The following SCLT1 variants were observed in gnomAD, a reference collection of about 807,000 sequenced individuals.
SCLT1 encodes the protein sodium channel-associated protein 1.
SCLT1 carries 78 observed loss-of-function variants against 112.8 expected under a neutral mutation model. The ratio of observed to expected loss-of-function variants is 0.69; its 90% CI spans 0.58 to 0.83. SCLT1 has a LOEUF of 0.83. Ranked by LOEUF, SCLT1 falls within the 40% of genes least tolerant of loss-of-function variation. The pLI is 0.00. For synonymous variants in SCLT1, 257 were observed against 254.7 expected, an observed-to-expected ratio of 1.01 and a Z score of -0.09; for missense variants, 747 against 770.4, an observed-to-expected ratio of 0.97 and a Z score of 0.36.
At chr4:129,025,525 GC>G in intron 5 of SCLT1, among the ~76,000 whole-genome samples, 1 of 152,046 alleles carries the variant, frequency 6.6e-6, no homozygotes, top group Non-Finnish European at 1.5e-5. Context: ...CACCAGGCCT[GC>G]CCTAAAAGAG....
chr4:128,931,176 AT>A (rs1357923817), intron 18 of SCLT1, among the ~76,000 whole-genome samples: 2 of 151,972 alleles, frequency 1.3e-5, no homozygotes, highest in Non-Finnish European at 2.9e-5. Context: ...GGGGTTGGAA[AT>A]TGTAATTTTT....
rs73847312 is a variant in SCLT1 at position 128,958,473 on chromosome 4, C to T, written c.1047+1127G>A. ...TGTAACCATAGACAGCCTCTGTGAG[C>T]GTCTGTTGACTTAAGATTTGAGTGA... is the stretch of plus-strand genomic sequence containing the variant. On this transcript the variant is annotated intron_variant, in intron 12 of 20. Coordinates refer to ENST00000281142, the MANE Select transcript of SCLT1 (RefSeq NM_144643.4). Among the ~76,000 whole-genome samples, 822 of 152,200 alleles carry T rather than the reference C, an allele frequency of 5.4e-3. 5 individuals are homozygous for T. The highest frequency in any genetic ancestry group is 0.017 in the African/African-American group (697 of 41,512).
chr4:128,877,541 C>T (rs370605297), intron 3 of SCLT1, among the ~76,000 whole-genome samples: 2 of 151,918 alleles, frequency 1.3e-5, no homozygotes, highest in Non-Finnish European at 2.9e-5. Flanking sequence ...ATTAGCCAGG[C>T]GTGGTGGCAC....
chr4:128,968,896 G>A (rs1473370623), intron 10 of SCLT1, among the ~76,000 whole-genome samples: 1 of 152,124 alleles, frequency 6.6e-6, no homozygotes, highest in Admixed American at 6.5e-5. Flanking sequence ...CAGAGTTAGG[G>A]CTCATCATCT....
At chr4:129,048,860 C>A (rs2125707549) in intron 2 of SCLT1, among the ~76,000 whole-genome samples, 1 of 152,120 alleles carries the variant, frequency 6.6e-6, no homozygotes, top group Admixed American at 6.5e-5. Flanking sequence ...ATTTATGCAG[C>A]CAAAAGACAC....
intron 18 of SCLT1, among the ~76,000 whole-genome samples, chr4:128,899,225 A>G (rs963511667): frequency 2.0e-5 from 3 of 152,222 alleles, no homozygotes; most frequent in African/African-American, 7.2e-5. Context: ...CAACAAAAAA[A>G]GAGAATTTTA....
At chr4:128,916,609 T>A (rs75074824) in intron 18 of SCLT1, among the ~76,000 whole-genome samples, 5 of 152,172 alleles carry the variant, frequency 3.3e-5, no homozygotes, top group Non-Finnish European at 7.3e-5. Context: ...GGAAGAAACA[T>A]AGTTAAAAAT....
chr4:129,061,111 C>T lies in SCLT1; in HGVS notation c.103-17060G>A, dbSNP rs1438711090. ...TATACCTAGAAGTAAGCAACTTGAG[C>T]CAGTAGAGTTCAGTGGCATCTCAGA... On this transcript the variant is annotated intron_variant, in intron 2 of 20. Transcript: ENST00000281142. Among the ~76,000 whole-genome samples the T allele has an allele frequency of 3.3e-5, 5 of 152,036 alleles. No homozygotes were observed. In the South Asian group the frequency reaches 8.3e-4, roughly 25 times the overall value.
At chr4:128,980,865 T>C (rs150380445) in intron 9 of SCLT1, among the ~76,000 whole-genome samples, 172 of 152,290 alleles carry the variant, frequency 1.1e-3, no homozygotes, top group African/African-American at 3.8e-3. Context: ...AGATAAAATA[T>C]AATTTTTTAA....
intron 2 of SCLT1, among the ~76,000 whole-genome samples, chr4:129,079,132 T>G (rs1383308640): frequency 2.0e-5 from 3 of 152,138 alleles, no homozygotes; most frequent in African/African-American, 7.2e-5. Context: ...GACATTAGAT[T>G]TGGGCAGGGA....
intron 13 of SCLT1, 39 bp downstream of exon 13, chr4:128,956,987 C>T: frequency 8.6e-7 from 1 of 1,160,052 alleles, no homozygotes; most frequent in Non-Finnish European, 1.2e-6. Context: ...TTAGTTGTGA[C>T]TTAAATTCTG....
chr4:128,890,680 T>C (rs566060475), intron 19 of SCLT1, among the ~76,000 whole-genome samples: 5 of 152,302 alleles, frequency 3.3e-5, no homozygotes, highest in African/African-American at 1.2e-4. Context: ...TATTTTAATA[T>C]ATTCCAGTAG....
intron 2 of SCLT1, among the ~76,000 whole-genome samples, chr4:129,067,031 G>T (rs1198207413): frequency 2.0e-5 from 3 of 151,964 alleles, no homozygotes; most frequent in African/African-American, 7.2e-5. Context: ...AACAAATATG[G>T]CAAAAAGTTA....
Position 128,951,268 on chromosome 4 carries a change from C to T in SCLT1, c.1218+1501G>A, listed in dbSNP as rs571601216. Among the ~76,000 whole-genome samples, 12 of 152,100 alleles carry T rather than the reference C, an allele frequency of 7.9e-5. No homozygotes were observed. The South Asian group carries it at 2.5e-3, about 32-fold the overall frequency. ...GTCTTAAAGTAGCCAAATATGTTTT[C>T]CTTTGAACATATTTTTAACATAATA... On this transcript the variant is annotated intron_variant, in intron 14 of 20. Coordinates refer to ENST00000281142, the MANE Select transcript of SCLT1 (RefSeq NM_144643.4).
intron 19 of SCLT1, among the ~76,000 whole-genome samples, chr4:128,890,153 G>A (rs769349007): frequency 3.3e-5 from 5 of 152,200 alleles, no homozygotes; most frequent in African/African-American, 7.2e-5. Flanking sequence ...ATATTTATAC[G>A]CAGACTTCAT....
intron 18 of SCLT1, among the ~76,000 whole-genome samples, chr4:128,916,424 A>G (rs537510166): frequency 3.7e-4 from 56 of 152,316 alleles, no homozygotes; most frequent in African/African-American, 1.3e-3. Context: ...AATGAAACCA[A>G]TAAAGGAGTA....
intron 18 of SCLT1, among the ~76,000 whole-genome samples, chr4:128,912,272 G>A (rs932349137): frequency 6.6e-6 from 1 of 152,110 alleles, no homozygotes; most frequent in Non-Finnish European, 1.5e-5. Context: ...ACACTTCTAA[G>A]GAGAACAAAT....
At chr4:128,970,679 A>C in intron 9 of SCLT1, 2 of 500,610 alleles carry the variant, frequency 4.0e-6, no homozygotes, top group Non-Finnish European at 7.1e-6. Flanking sequence ...GGCGAAGGGT[A>C]TGAAGTAGAG....
intron 5 of SCLT1, among the ~76,000 whole-genome samples, chr4:129,035,080 T>A (rs1372387268): frequency 6.6e-6 from 1 of 152,188 alleles, no homozygotes; most frequent in Non-Finnish European, 1.5e-5. Context: ...CGGTTGTGAA[T>A]GACTATTTTC....
Sources: gnomAD v4.1 joint callset for allele counts (sites outside exome capture counted in the v4.1 genomes callset) on GRCh38, gnomAD v4.1.1 for gene constraint, MANE v1.5 for transcripts, NCBI Gene and HGNC (gene_info 2026-07-23, HGNC 2026-07-21) for gene names.